GIT2: variants seen among roughly 807,000 people sequenced by gnomAD.
GIT2 encodes the protein GIT ArfGAP 2, also known as ARF GTPase-activating protein GIT2.
In GIT2, 32 loss-of-function variants were observed where a neutral mutation model predicts 100.3. That is an observed-to-expected ratio of 0.32 (90% CI 0.24 to 0.43). The LOEUF is 0.43. GIT2 is among the 20% of genes least tolerant of loss of function. The probability of loss-of-function intolerance (pLI) is 1.00; values close to 1 mark genes in which losing one functional copy is unlikely to be tolerated. For synonymous variants in GIT2, 353 were observed against 364.1 expected (o/e 0.97, Z 0.35); for missense variants, 737 against 975.1 (o/e 0.76, Z 3.25).
chr12:109,941,831 C>CT (rs775499234), intron 16 of GIT2, among the ~76,000 whole-genome samples: 1,515 of 143,618 alleles, frequency 0.011, 29 homozygotes, highest in African/African-American at 0.032. Flanking sequence ...AATTTTTTTT[C>CT]TTTTTTTTTT....
At chr12:109,958,645 A>G (rs1337199452) in intron 12 of GIT2, among the ~76,000 whole-genome samples, 1 of 152,214 alleles carries the variant, frequency 6.6e-6, no homozygotes, top group Non-Finnish European at 1.5e-5. Flanking sequence ...GAACAGATAA[A>G]ATCAAATTCC....
rs868412215 is a variant in GIT2 at position 109,951,253 on chromosome 12, C to T, written c.1306G>A (p.Ala436Thr). ...ATCTTGGCCTCAGAAGCCACTAGAG[C>T]GTTTTTGACCTCCATAAATTCCTGT... is the stretch of plus-strand genomic sequence containing the variant. Reference protein sequence around the residue: ...TVQEFMEVKNALVASEAKIQQ... With the variant: ...TVQEFMEVKNTLVASEAKIQQ... The change falls in exon 14 of 20, where the codon GCT (alanine) becomes ACT (threonine). Residue 436 changes from alanine to threonine, a missense_variant. Ala to Thr is a moderately conservative substitution (Grantham distance 58, BLOSUM62 0). This residue lies in a region of GIT2 where 451 missense variants were observed against 543.7 expected (regional missense o/e 0.83). Coordinates refer to ENST00000355312, the MANE Select transcript of GIT2 (RefSeq NM_057169.5). 1.2e-6 allele frequency: 2 copies of T among 1,610,212 alleles called. No individual in the cohort carries two copies. The highest frequency in any genetic ancestry group is 1.7e-6 in the Non-Finnish European group (2 of 1,176,434).
upstream of GIT2, chr12:109,999,717 A>C: frequency 6.5e-7 from 1 of 1,539,764 alleles, no homozygotes; most frequent in Non-Finnish European, 8.8e-7. The surrounding 1 kb of genome is among the most constrained non-coding windows in gnomAD (Gnocchi z 4.3). Flanking sequence ...GCGGGCGACC[A>C]CTACCCCCTG....
chr12:109,986,568 T>C, intron 4 of GIT2, among the ~76,000 whole-genome samples: 1 of 152,086 alleles, frequency 6.6e-6, no homozygotes, highest in East Asian at 1.9e-4. Flanking sequence ...ATCGGGACCA[T>C]CCTGGTTAAC....
At chr12:109,963,768 T>TA (rs1294547049) in intron 9 of GIT2, among the ~76,000 whole-genome samples, 5 of 152,152 alleles carry the variant, frequency 3.3e-5, no homozygotes, top group Admixed American at 1.3e-4. Context: ...CTGGCGCTGA[T>TA]AAGATGGTCA....
upstream of GIT2, chr12:109,998,409 A>G (rs1889748662): frequency 1.3e-5 from 2 of 152,246 alleles, no homozygotes; most frequent in Admixed American, 1.3e-4. Context: ...CTCAGAGGGC[A>G]GAGGGAATGT....
rs1026856051 is a variant in GIT2, at chr12:109,962,817, G to A, written c.817-1132C>T. The stretch of plus-strand genomic sequence containing the variant: ...CCAGAAAAGAGGCACTGGCTGGCCA[G>A]AAGGGATTTAATGCAGCAATTTAAA... On this transcript the variant is annotated intron_variant, in intron 9 of 19. Coordinates refer to ENST00000355312, the MANE Select transcript of GIT2 (RefSeq NM_057169.5). This position sits in a 1 kb window ranked among gnomAD's most constrained non-coding sequence, Gnocchi z 4.3. 3.3e-5 allele frequency among the ~76,000 whole-genome samples: 5 copies of A among 152,332 alleles called. No homozygotes were observed. In the East Asian group the frequency reaches 7.7e-4, roughly 24 times the overall value.
rs73419602 is a variant in GIT2, at chr12:109,982,869, C to T, written c.623+504G>A. Reference sequence around the variant, plus strand: ...GCATGCTGGCCAGGCTGATCTCGAACTTCTGGCCTCAAGTAACCCACCCGC... The same window carrying T: ...GCATGCTGGCCAGGCTGATCTCGAATTTCTGGCCTCAAGTAACCCACCCGC... On this transcript the variant is annotated intron_variant, in intron 6 of 19. Transcript: ENST00000355312. 743 of 152,094 alleles carry T rather than the reference C, an allele frequency of 4.9e-3. 6 individuals are homozygous for T. Among genetic ancestry groups the T allele is most frequent in the African/African-American group, 0.017 (709 of 41,400 alleles). 9.4% of individuals were successfully genotyped at this position (152,094 alleles called of 1,614,324 possible).
At chr12:109,955,106 T>G (rs528557148) in intron 12 of GIT2, among the ~76,000 whole-genome samples, 2 of 152,166 alleles carry the variant, frequency 1.3e-5, no homozygotes, top group African/African-American at 2.4e-5. Flanking sequence ...CAGTCAATTC[T>G]TGTTATGCTT....
intron 8 of GIT2, among the ~76,000 whole-genome samples, chr12:109,965,995 T>A (rs544675573): frequency 8.4e-6 from 1 of 119,340 alleles, no homozygotes; most frequent in Non-Finnish European, 1.9e-5. Context: ...GTCAGGGTTG[T>A]TTTTTTTTTT....
intron 4 of GIT2, among the ~76,000 whole-genome samples, chr12:109,986,660 G>A (rs1185862336): frequency 6.6e-6 from 1 of 152,198 alleles, no homozygotes; most frequent in African/African-American, 2.4e-5. Context: ...AGCTACTCAG[G>A]AGGCTGAGGC....
rs1881937698 is a variant in GIT2, at chr12:109,964,851, G to GAGAACT, written c.816+669_816+674dup. On this transcript the variant is annotated intron_variant, in intron 9 of 19. Transcript: ENST00000355312. ...AGTGCCCCGGTGAGGCTTCATGTGAGAGAACTAGACAAAGAGAAGTCAATC... is the reference window on the plus strand; with the variant it reads ...AGTGCCCCGGTGAGGCTTCATGTGAGAGAACTAGAACTAGACAAAGAGAAGTCAATC... Among the ~76,000 whole-genome samples, 3 of 152,258 alleles carry GAGAACT rather than the reference G, an allele frequency of 2.0e-5. 1 individual carries two copies. The highest frequency in any genetic ancestry group is 7.2e-5 in the African/African-American group (3 of 41,546).
intron 12 of GIT2, among the ~76,000 whole-genome samples, chr12:109,956,571 A>G (rs758091189): frequency 6.6e-6 from 1 of 152,178 alleles, no homozygotes; most frequent in Non-Finnish European, 1.5e-5. Flanking sequence ...GAGGTCACAA[A>G]TTTTAGCAAG....
At chr12:109,958,198 C>A (rs1880063705) in intron 12 of GIT2, among the ~76,000 whole-genome samples, 1 of 152,014 alleles carries the variant, frequency 6.6e-6, no homozygotes, top group African/African-American at 2.4e-5. Context: ...CCCACCTCAG[C>A]CTCCCAAAGT....
rs751012181 is a variant in GIT2 at position 109,933,031 on chromosome 12, C to T, written c.2227G>A (p.Ala743Thr). The T allele has an allele frequency of 3.2e-5, 52 of 1,613,588 alleles. No homozygotes were observed. Among genetic ancestry groups the T allele is most frequent in the Non-Finnish European group, 2.8e-5 (33 of 1,179,702 alleles). The change falls in exon 20 of 20, where the codon GCC (alanine) becomes ACC (threonine). Residue 743 changes from alanine to threonine, a missense_variant. Coordinates refer to ENST00000355312, the MANE Select transcript of GIT2 (RefSeq NM_057169.5). This position sits in a 1 kb window ranked among gnomAD's most constrained non-coding sequence, Gnocchi z 4.5. ...QQVIQCAYDI[A>T]KAAKQLVTIT... Reference sequence around the variant, plus strand: ...GTAACCAGCTGCTTGGCAGCCTTGGCGATGTCGTACGCACACTGGATGACC... The same window carrying T: ...GTAACCAGCTGCTTGGCAGCCTTGGTGATGTCGTACGCACACTGGATGACC...
chr12:109,963,997 G>A (rs933790935), intron 9 of GIT2, among the ~76,000 whole-genome samples: 6 of 152,172 alleles, frequency 3.9e-5, no homozygotes, highest in Admixed American at 1.3e-4. Context: ...TCTGTTCCAG[G>A]TCTTTACTTC....
intron 1 of GIT2, among the ~76,000 whole-genome samples, chr12:109,995,619 T>C (rs932141853): frequency 1.3e-5 from 2 of 152,152 alleles, no homozygotes; most frequent in African/African-American, 4.8e-5. Flanking sequence ...AGACAAGCAC[T>C]GCCTCCTAAG....
intron 11 of GIT2, 144 bp from the exon 12 acceptor site, chr12:109,960,102 T>G (rs893788610): frequency 1.1e-5 from 7 of 635,364 alleles, no homozygotes; most frequent in African/African-American, 7.3e-5. Context: ...CCAGCCATAA[T>G]CAAACCAAGT....
At position 109,934,011 on chromosome 12, in the gene GIT2, A is replaced by G; in HGVS notation, c.2067+11T>C. ...AAAGGATTTAAACCAAGTGAGTAGG[A>G]AGTGACTTACTTTGGGGAATAATGC... On this transcript the variant is annotated intron_variant, in intron 19 of 19. Transcript: ENST00000355312. The surrounding 1 kb of genome is among the most constrained non-coding windows in gnomAD (Gnocchi z 4.5). The G allele has an allele frequency of 7.0e-7, 1 of 1,435,556 alleles. No homozygotes were observed. The allele number at this position is 1,435,556 out of a possible 1,614,324, so 88.9% of individuals were successfully genotyped here.
Sources: gnomAD v4.1 joint callset for allele counts (sites outside exome capture counted in the v4.1 genomes callset) on GRCh38, gnomAD v4.1.1 for gene constraint, gnomAD v4.1.1 regional missense constraint, Gnocchi (gnomAD v3.1) non-coding constraint, MANE v1.5 for transcripts, NCBI Gene and HGNC (gene_info 2026-07-23, HGNC 2026-07-21) for gene names.